Variants in GRID2 observed in about 807,000 individuals in gnomAD.
GRID2 encodes the protein glutamate receptor ionotropic, delta-2.
GRID2 carries 33 observed loss-of-function variants against 114.8 expected under a neutral mutation model. The observed-to-expected ratio is 0.29, with a 90% CI of 0.22 to 0.38. The LOEUF (loss-of-function observed/expected upper bound fraction) is 0.38, where lower values mean the gene tolerates loss of function less well. Among genes scored for constraint, GRID2 ranks in the 10% least tolerant of loss-of-function variants. GRID2 has a pLI of 1.00. For synonymous variants in GRID2, 505 were observed against 449.9 expected, an observed-to-expected ratio of 1.12 and a Z score of -1.55; for missense variants, 1,184 against 1,257.7, an observed-to-expected ratio of 0.94 and a Z score of 0.89.
At chr4:93,230,777 C>T (rs1746038286) in intron 7 of GRID2, among the ~76,000 whole-genome samples, 1 of 151,946 alleles carries the variant, frequency 6.6e-6, no homozygotes, top group Non-Finnish European at 1.5e-5. Flanking sequence ...AACATGCACA[C>T]CAAGAAATCA....
At chr4:93,065,244 A>T (rs1728198163) in intron 2 of GRID2, among the ~76,000 whole-genome samples, 1 of 151,922 alleles carries the variant, frequency 6.6e-6, no homozygotes, top group South Asian at 2.1e-4. Context: ...CTGAGAGATT[A>T]TATTTAAAAG....
intron 3 of GRID2, among the ~76,000 whole-genome samples, chr4:93,086,742 G>A (rs1730359562): frequency 6.6e-6 from 1 of 152,164 alleles, no homozygotes; most frequent in South Asian, 2.1e-4. Flanking sequence ...TGGCTCATCA[G>A]TTAAAGTAAG....
intron 10 of GRID2, among the ~76,000 whole-genome samples, chr4:93,437,974 C>T (rs933323804): frequency 2.0e-5 from 3 of 151,926 alleles, no homozygotes; most frequent in African/African-American, 4.8e-5. Flanking sequence ...GAAGAGAGAA[C>T]GAGAGAGATG....
intron 1 of GRID2, among the ~76,000 whole-genome samples, chr4:92,444,743 T>A (rs768154923): frequency 2.0e-5 from 3 of 152,188 alleles, no homozygotes; most frequent in Non-Finnish European, 4.4e-5. Flanking sequence ...ACATAATAAA[T>A]GACAAATGCC....
chr4:93,267,297 G>A (rs72872776), intron 8 of GRID2, among the ~76,000 whole-genome samples: 3,485 of 151,672 alleles, frequency 0.023, 141 homozygotes, highest in African/African-American at 0.079. Context: ...CTAACTCTAC[G>A]CTGGGCTGGG....
intron 2 of GRID2, among the ~76,000 whole-genome samples, chr4:92,740,131 T>C (rs1342126937): frequency 6.6e-6 from 1 of 152,180 alleles, no homozygotes; most frequent in Admixed American, 6.5e-5. Flanking sequence ...CTTTGGATCG[T>C]GTTTTAGTCA....
chr4:93,472,852 G>T (rs1307761693), intron 11 of GRID2, among the ~76,000 whole-genome samples: 1 of 152,104 alleles, frequency 6.6e-6, no homozygotes, highest in Non-Finnish European at 1.5e-5. Context: ...TATGAGACTT[G>T]AAATAGAATA....
At chr4:92,589,044 T>A (rs1331160933) in intron 1 of GRID2, among the ~76,000 whole-genome samples, 1 of 152,128 alleles carries the variant, frequency 6.6e-6, no homozygotes, top group Non-Finnish European at 1.5e-5. Flanking sequence ...AGGCGGAGGT[T>A]GCAATGAGCT....
At chr4:93,807,216 C>G (rs911195734) in exon 2 of GRID2, 2 of 152,236 alleles carry the variant, frequency 1.3e-5, no homozygotes, top group African/African-American at 2.4e-5. Context: ...ACCACAGTAG[C>G]TTTGTCCTCA....
intron 8 of GRID2, among the ~76,000 whole-genome samples, chr4:93,280,037 AGTT>A (rs1752490129): frequency 6.6e-6 from 1 of 151,962 alleles, no homozygotes; most frequent in Non-Finnish European, 1.5e-5. Flanking sequence ...GGAGCTATGA[AGTT>A]GTTGCAGAAG....
At chr4:92,738,783 C>G (rs1489345457) in intron 2 of GRID2, among the ~76,000 whole-genome samples, 1 of 152,142 alleles carries the variant, frequency 6.6e-6, no homozygotes, top group African/African-American at 2.4e-5. Context: ...TCCTCAGTAG[C>G]TAAGACTAAT....
intron 2 of GRID2, among the ~76,000 whole-genome samples, chr4:92,898,677 A>T (rs1409320095): frequency 6.6e-6 from 1 of 152,110 alleles, no homozygotes; most frequent in Non-Finnish European, 1.5e-5. Flanking sequence ...TGCTTCAGCA[A>T]AATTGCCAAT....
chr4:93,056,890 TC>T (rs1286645691), intron 2 of GRID2, among the ~76,000 whole-genome samples: 2 of 152,082 alleles, frequency 1.3e-5, no homozygotes, highest in African/African-American at 4.8e-5. Flanking sequence ...GTCATTCCTT[TC>T]TTTTAAATTT....
intron 4 of GRID2, among the ~76,000 whole-genome samples, chr4:93,196,044 C>T (rs553321136): frequency 1.2e-4 from 18 of 152,218 alleles, no homozygotes; most frequent in East Asian, 3.9e-4. Flanking sequence ...AAACACAGTT[C>T]GAACACCGTA....
intron 1 of GRID2, among the ~76,000 whole-genome samples, chr4:92,547,920 T>G (rs555804362): frequency 6.6e-6 from 1 of 152,294 alleles, no homozygotes; most frequent in South Asian, 2.1e-4. Context: ...CCAACAGGAT[T>G]AGTCTACTAC....
intron 8 of GRID2, among the ~76,000 whole-genome samples, chr4:93,310,183 G>A (rs1429560939): frequency 6.6e-6 from 1 of 152,120 alleles, no homozygotes; most frequent in Non-Finnish European, 1.5e-5. Context: ...AGACCTATAA[G>A]TTTTTGGTTT....
At chr4:93,406,285 C>CA (rs1351651530) in intron 9 of GRID2, among the ~76,000 whole-genome samples, 1 of 152,066 alleles carries the variant, frequency 6.6e-6, no homozygotes, top group Non-Finnish European at 1.5e-5. Context: ...TAAATGATCC[C>CA]AACAATTATC....
At chr4:93,034,339 A>G (rs1291609555) in intron 2 of GRID2, among the ~76,000 whole-genome samples, 1 of 152,210 alleles carries the variant, frequency 6.6e-6, no homozygotes, top group Non-Finnish European at 1.5e-5. Context: ...TTGTTTGTAC[A>G]TAAACCTTGT....
intron 2 of GRID2, among the ~76,000 whole-genome samples, chr4:92,666,163 T>C (rs1732764984): frequency 6.6e-6 from 1 of 151,610 alleles, no homozygotes; most frequent in Non-Finnish European, 1.5e-5. Context: ...AATGCACTGA[T>C]TCTTTTTCTG....
Sources: gnomAD v4.1 joint callset for allele counts (sites outside exome capture counted in the v4.1 genomes callset) on GRCh38, gnomAD v4.1.1 for gene constraint, MANE v1.5 for transcripts, NCBI Gene and HGNC (gene_info 2026-07-23, HGNC 2026-07-21) for gene names.